Variants in ASIC2 observed in about 807,000 individuals in gnomAD.
ASIC2 encodes the protein acid sensing ion channel subunit 2.
Under a neutral mutation model 57.3 loss-of-function variants are expected in ASIC2, and 25 were observed. The observed-to-expected ratio is 0.44, with a 90% confidence interval of 0.32 to 0.61. The LOEUF is 0.61. Ranked by LOEUF, ASIC2 falls within the 20% of genes least tolerant of loss-of-function variation. The pLI is 0.06. For missense variants in ASIC2, 641 were observed against 738.1 expected (o/e 0.87, Z 1.52); for synonymous variants, 319 against 307.5 (o/e 1.04, Z -0.39).
chr17:33,371,037 G>T (rs1431990072), intron 1 of ASIC2, among the ~76,000 whole-genome samples: 1 of 152,178 alleles, frequency 6.6e-6, no homozygotes, highest in East Asian at 1.9e-4. Context: ...TAACAAAAAA[G>T]TCATGGGGAG....
chr17:34,138,450 A>G (rs8076754), intron 1 of ASIC2, among the ~76,000 whole-genome samples: 29,486 of 152,228 alleles, frequency 0.19, 3,519 homozygotes, highest in South Asian at 0.36. Flanking sequence ...AGATCCACAC[A>G]TGGAAGCACA....
chr17:33,242,313 CAAAAAA>C (rs34667054), intron 1 of ASIC2, among the ~76,000 whole-genome samples: 1 of 110,898 alleles, frequency 9.0e-6, no homozygotes, highest in Non-Finnish European at 1.9e-5. Context: ...GAGACTCCGT[CAAAAAA>C]AAAAAAAAAA....
intron 3 of ASIC2, among the ~76,000 whole-genome samples, chr17:33,047,397 A>C (rs2091959936): frequency 6.6e-6 from 1 of 152,020 alleles, no homozygotes; most frequent in Non-Finnish European, 1.5e-5. Flanking sequence ...GTAGTGCAGC[A>C]GCACCATCAT....
rs397856474 is a variant in ASIC2, at chr17:33,668,272, C to CTTTTTT, written c.555+487700_555+487705dup. On this transcript the variant is annotated intron_variant, in intron 1 of 9. Transcript: ENST00000359872. Reference sequence around the variant, plus strand: ...CTGATTGCTTCTCCAATCAAATGTTCTTTTTTTTTTTTTTTTTTTTTTTTT... The same window carrying CTTTTTT: ...CTGATTGCTTCTCCAATCAAATGTTCTTTTTTTTTTTTTTTTTTTTTTTTTTTTTTT... 2.4e-4 allele frequency among the ~76,000 whole-genome samples: 15 copies of CTTTTTT among 61,386 alleles called. 1 individual carries two copies. Among genetic ancestry groups the CTTTTTT allele is most frequent in the East Asian group, 8.9e-4 (2 of 2,248 alleles). 40.3% of individuals were successfully genotyped at this position (61,386 alleles called of 152,430 possible). A position where few individuals can be genotyped will look rare whatever the true frequency, so the allele number is the denominator to read the frequency against.
chr17:33,263,716 G>A (rs901619628), intron 1 of ASIC2, among the ~76,000 whole-genome samples: 4 of 148,932 alleles, frequency 2.7e-5, no homozygotes, highest in African/African-American at 5.0e-5. Context: ...CAGCCTAGGC[G>A]TGTCTGGGCT....
At chr17:34,112,105 G>A (rs1467846042) in intron 1 of ASIC2, among the ~76,000 whole-genome samples, 1 of 152,036 alleles carries the variant, frequency 6.6e-6, no homozygotes, top group Non-Finnish European at 1.5e-5. Context: ...TGTATTTGAA[G>A]AAAGACACTA....
At chr17:33,272,005 C>CA (rs1418195704) in intron 1 of ASIC2, among the ~76,000 whole-genome samples, 14 of 152,182 alleles carry the variant, frequency 9.2e-5, no homozygotes, top group African/African-American at 3.4e-4. Context: ...TTGAACAAAC[C>CA]AAGTTCATTC....
At chr17:33,781,907 C>T (rs528397749) in intron 1 of ASIC2, among the ~76,000 whole-genome samples, 1 of 152,244 alleles carries the variant, frequency 6.6e-6, no homozygotes, top group South Asian at 2.1e-4. Flanking sequence ...TTGAGTGCCT[C>T]CCATTTCTTC....
At chr17:33,913,429 A>G (rs1915511387) in intron 1 of ASIC2, among the ~76,000 whole-genome samples, 1 of 152,156 alleles carries the variant, frequency 6.6e-6, no homozygotes, top group African/African-American at 2.4e-5. Context: ...TTCTTCACCA[A>G]GGGACTTTTC....
chr17:33,414,418 G>T (rs1232563758), intron 1 of ASIC2, among the ~76,000 whole-genome samples: 1 of 152,164 alleles, frequency 6.6e-6, no homozygotes, highest in Non-Finnish European at 1.5e-5. Flanking sequence ...GGAGAAGGAA[G>T]TAGAGGGGAG....
At chr17:34,001,936 T>G (rs956762200) in intron 1 of ASIC2, 1 of 152,232 alleles carries the variant, frequency 6.6e-6, no homozygotes, top group South Asian at 2.1e-4. Context: ...TTGTTGACAT[T>G]ACTTCTATGT....
chr17:33,066,652 C>CT (rs2092044784), intron 3 of ASIC2, among the ~76,000 whole-genome samples: 1 of 152,178 alleles, frequency 6.6e-6, no homozygotes, highest in Admixed American at 6.5e-5. Context: ...GGAAAAGTGA[C>CT]TTTACCAAGG....
intron 4 of ASIC2, among the ~76,000 whole-genome samples, chr17:33,027,264 T>C (rs1468421772): frequency 6.6e-6 from 1 of 152,182 alleles, no homozygotes; most frequent in East Asian, 1.9e-4. Context: ...AAAGGGGGGT[T>C]GATTTTGAGG....
intron 1 of ASIC2, among the ~76,000 whole-genome samples, chr17:33,737,218 G>A (rs1489159610): frequency 1.3e-5 from 2 of 152,238 alleles, no homozygotes; most frequent in Non-Finnish European, 2.9e-5. Context: ...CTATCAGTAG[G>A]ATTGCTGATC....
intron 1 of ASIC2, among the ~76,000 whole-genome samples, chr17:33,667,177 C>T (rs947398573): frequency 4.6e-5 from 7 of 152,124 alleles, no homozygotes; most frequent in African/African-American, 9.7e-5. Flanking sequence ...CACAGTGATC[C>T]GCTTGTGTGC....
chr17:33,365,843 A>G (rs1275008680), intron 1 of ASIC2, among the ~76,000 whole-genome samples: 1 of 152,186 alleles, frequency 6.6e-6, no homozygotes, highest in Non-Finnish European at 1.5e-5. Flanking sequence ...AAGTCTATTT[A>G]TTTAAAGTTT....
At chr17:33,921,214 C>T (rs1915702850) in intron 1 of ASIC2, among the ~76,000 whole-genome samples, 1 of 152,138 alleles carries the variant, frequency 6.6e-6, no homozygotes, top group African/African-American at 2.4e-5. Context: ...CACTTACTAG[C>T]TGTATGACTT....
chr17:33,849,797 C>A (rs1271067829), intron 1 of ASIC2, among the ~76,000 whole-genome samples: 1 of 152,178 alleles, frequency 6.6e-6, no homozygotes, highest in Non-Finnish European at 1.5e-5. Flanking sequence ...GGAGTTTGGA[C>A]TCCTGAAGGC....
At chr17:33,912,050 GAA>G (rs1422727908) in intron 1 of ASIC2, among the ~76,000 whole-genome samples, 230 of 145,296 alleles carry the variant, frequency 1.6e-3, no homozygotes, top group Non-Finnish European at 2.8e-3. Context: ...TGAAGCAGGA[GAA>G]CTGCTTGAAC....
Sources: allele counts gnomAD v4.1 joint callset (sites outside exome capture counted in the v4.1 genomes callset), GRCh38; gene constraint gnomAD v4.1.1; transcripts MANE v1.5; gene names NCBI Gene and HGNC (gene_info 2026-07-23, HGNC 2026-07-21).